KLHL3: variants seen among roughly 807,000 people sequenced by gnomAD.
The protein encoded by KLHL3 is kelch-like protein 3.
Under a neutral mutation model 70.5 loss-of-function variants are expected in KLHL3, and 19 were observed. The observed-to-expected ratio is 0.27, with a 90% CI of 0.19 to 0.40. The LOEUF is 0.40. Ranked by LOEUF, KLHL3 falls within the 10% of genes least tolerant of loss-of-function variation. The probability of loss-of-function intolerance (pLI) is 1.00; values close to 1 mark genes in which losing one functional copy is unlikely to be tolerated. For missense variants in KLHL3, 512 were observed against 771.1 expected (o/e 0.66, Z 3.98); for synonymous variants, 258 against 290.3 (o/e 0.89, Z 1.13).
At chr5:137,720,621 AC>A in intron 1 of KLHL3, 37 bp from the exon 2 acceptor site, 1 of 1,611,404 alleles carries the variant, frequency 6.2e-7, no homozygotes, top group Non-Finnish European at 8.5e-7. Flanking sequence ...AAAGAGAATC[AC>A]TCATTGGTAA....
intron 6 of KLHL3, among the ~76,000 whole-genome samples, chr5:137,667,250 A>G (rs1056832851): frequency 1.3e-5 from 2 of 152,246 alleles, no homozygotes; most frequent in Non-Finnish European, 2.9e-5. Flanking sequence ...CCTTCCTAGA[A>G]AAAGTTTGTC....
chr5:137,627,488 C>CGGG (rs1554089726), intron 13 of KLHL3, among the ~76,000 whole-genome samples: 1 of 92,352 alleles, frequency 1.1e-5, no homozygotes, highest in Non-Finnish European at 2.2e-5. Flanking sequence ...CCCCCCCCCC[C>CGGG]GGTTTACACT....
chr5:137,690,021 C>T (rs2905598), intron 5 of KLHL3, among the ~76,000 whole-genome samples: 118,863 of 152,212 alleles, frequency 0.78, 46,643 homozygotes, highest in East Asian at 0.98. Context: ...ACTGCACTAG[C>T]AAACGTTTGT....
At chr5:137,709,969 G>C (rs1752761609) in intron 2 of KLHL3, 113 bp from the exon 3 acceptor site, 1 of 798,662 alleles carries the variant, frequency 1.3e-6, no homozygotes. Flanking sequence ...ATACAAAGCT[G>C]TCACAGGGAC....
At chr5:137,643,856 G>C (rs1046606040) in intron 8 of KLHL3, among the ~76,000 whole-genome samples, 1 of 151,986 alleles carries the variant, frequency 6.6e-6, no homozygotes, top group African/African-American at 2.4e-5. Context: ...CTGTAACACA[G>C]TATCCATTGA....
chr5:137,632,128 T>C (rs771151323), intron 12 of KLHL3, among the ~76,000 whole-genome samples: 5 of 152,118 alleles, frequency 3.3e-5, no homozygotes, highest in African/African-American at 4.8e-5. Context: ...ACTATCAACA[T>C]CATTCCTCAT....
At chr5:137,637,433 A>G in intron 10 of KLHL3, 38 bp from the exon 11 acceptor site, 1 of 1,576,968 alleles carries the variant, frequency 6.3e-7, no homozygotes, top group South Asian at 1.1e-5. Context: ...CCGTGGCACC[A>G]GGCCTCACCC....
At chr5:137,625,421 C>G (rs1750434846) in intron 14 of KLHL3, among the ~76,000 whole-genome samples, 2 of 152,134 alleles carry the variant, frequency 1.3e-5, no homozygotes. Context: ...CAAAGTAAAC[C>G]AGGAATGGCA....
At chr5:137,690,246 GA>G (rs1752284934) in intron 5 of KLHL3, among the ~76,000 whole-genome samples, 1 of 151,782 alleles carries the variant, frequency 6.6e-6, no homozygotes. Context: ...AGAATGGCGT[GA>G]ACCCAGGAGG....
In KLHL3 at chr5:137,639,026, C is replaced by A; in HGVS notation, c.1146G>T (p.Glu382Asp). The A allele has an allele frequency of 6.2e-7, 1 of 1,614,204 alleles. No individual in the cohort carries two copies. Among genetic ancestry groups the A allele is most frequent in the Non-Finnish European group, 8.5e-7 (1 of 1,180,034 alleles). The change falls in exon 10 of 15, where the codon GAG (glutamate) becomes GAT (aspartate). Residue 382 changes from glutamate to aspartate, a missense_variant. Coordinates refer to ENST00000309755, the MANE Select transcript of KLHL3 (RefSeq NM_017415.3). The surrounding 1 kb of genome is among the most constrained non-coding windows in gnomAD (Gnocchi z 5.0). ...DQWTSIASMQ[E>D]RRSTLGAAVL... ...CCGCTGCGCCCAGTGTGCTCCGGCG[C>A]TCCTGCATGCTGGCAATGGACGTCC...
intron 5 of KLHL3, among the ~76,000 whole-genome samples, chr5:137,682,403 TAGAGAGAGAGAGAGAG>T (rs10578622): frequency 1.3e-3 from 167 of 133,470 alleles, no homozygotes; most frequent in Middle Eastern, 0.011. Context: ...GTGCTGGACA[TAGAGAGAGAGAGAGAG>T]AGAGAGAGAG....
At chr5:137,690,066 G>C (rs747222244) in intron 5 of KLHL3, among the ~76,000 whole-genome samples, 1 of 152,332 alleles carries the variant, frequency 6.6e-6, no homozygotes, top group South Asian at 2.1e-4. Flanking sequence ...AGTGGCTTAC[G>C]CCTGTAATCC....
At chr5:137,700,480 T>C (rs1017631049) in intron 3 of KLHL3, among the ~76,000 whole-genome samples, 4 of 152,326 alleles carry the variant, frequency 2.6e-5, no homozygotes, top group African/African-American at 9.6e-5. Flanking sequence ...AAAGTCAGGT[T>C]AGGGTTTTGT....
At chr5:137,666,087 G>A (rs75871260) in intron 6 of KLHL3, among the ~76,000 whole-genome samples, 1,859 of 152,196 alleles carry the variant, frequency 0.012, 38 homozygotes, top group African/African-American at 0.042. Context: ...TCTTCCACTA[G>A]CCCTTAAGAT....
chr5:137,693,066 A>G (rs957775244), intron 4 of KLHL3, among the ~76,000 whole-genome samples: 1 of 152,152 alleles, frequency 6.6e-6, no homozygotes, highest in African/African-American at 2.4e-5. Flanking sequence ...CTCATTCAGA[A>G]AGGTACTTAA....
In KLHL3 at chr5:137,644,988, G is replaced by A. The variant is rs143908306; in HGVS notation, c.904-5011C>T. Reference sequence around the variant, plus strand: ...CCGTGATCAAATAGATTCATCCTAGGGATGCAAGGATGGTTCAATATAACA... The same window carrying A: ...CCGTGATCAAATAGATTCATCCTAGAGATGCAAGGATGGTTCAATATAACA... On this transcript the variant is annotated intron_variant, in intron 8 of 14. Coordinates refer to ENST00000309755, the MANE Select transcript of KLHL3 (RefSeq NM_017415.3). Among the ~76,000 whole-genome samples, 719 of 152,244 alleles carry A rather than the reference G, an allele frequency of 4.7e-3. 5 individuals carry two copies. Among genetic ancestry groups the A allele is most frequent in the African/African-American group, 0.016 (683 of 41,528 alleles).
At chr5:137,677,743 A>C (rs1751921169) in intron 5 of KLHL3, 89 bp from the exon 6 acceptor site, 1 of 778,330 alleles carries the variant, frequency 1.3e-6, no homozygotes, top group South Asian at 1.9e-5. Flanking sequence ...TTCACAGTAG[A>C]GTCCTGGAGC....
At chr5:137,698,146 G>A in intron 4 of KLHL3, 141 bp downstream of exon 4, 10 of 1,079,158 alleles carry the variant, frequency 9.3e-6, no homozygotes, top group Non-Finnish European at 1.3e-5. Context: ...GTGGCCCAGG[G>A]CAGGTCACCT....
chr5:137,720,808 C>T (rs1261274119), intron 1 of KLHL3: 5 of 1,375,752 alleles, frequency 3.6e-6, no homozygotes, highest in Non-Finnish European at 4.7e-6. Flanking sequence ...CTTCTTCCAC[C>T]AAGTACTGTG....
Sources: gnomAD v4.1 joint callset for allele counts (sites outside exome capture counted in the v4.1 genomes callset) on GRCh38, gnomAD v4.1.1 for gene constraint, Gnocchi (gnomAD v3.1) non-coding constraint, MANE v1.5 for transcripts, NCBI Gene and HGNC (gene_info 2026-07-23, HGNC 2026-07-21) for gene names.